The following COPS2 variants were observed in gnomAD, a reference collection of about 807,000 sequenced individuals.
COPS2 encodes COP9 signalosome subunit 2, also known as COP9 signalosome complex subunit 2.
A neutral mutation model predicts 66.1 loss-of-function variants in COPS2; 10 were observed. The ratio of observed to expected loss-of-function variants is 0.15; its 90% CI spans 0.09 to 0.26. The LOEUF is 0.26. Ranked by LOEUF, COPS2 falls within the 10% of genes least tolerant of loss-of-function variation. The pLI is 1.00. For synonymous variants in COPS2, 179 were observed against 171.3 expected, an observed-to-expected ratio of 1.04 and a Z score of -0.35; for missense variants, 215 against 513.3, an observed-to-expected ratio of 0.42 and a Z score of 5.62.
Position 49,137,241 on chromosome 15 carries a change from A to G in COPS2, c.463-14T>C. 6.3e-7 allele frequency: 1 copy of G among 1,577,620 alleles called. No homozygotes were observed. Among genetic ancestry groups the G allele is most frequent in the Non-Finnish European group, 8.6e-7 (1 of 1,161,248 alleles). ...TAATTTTCCAAGCTGCAAGAAAGCA[A>G]ATTTATTAAAATCAAGATTTCAACA... On this transcript the variant is annotated splice_polypyrimidine_tract_variant and intron_variant, in intron 5 of 12. Transcript: ENST00000388901.
intron 1 of COPS2, among the ~76,000 whole-genome samples, chr15:49,154,606 C>A (rs1056396159): frequency 6.6e-6 from 1 of 152,062 alleles, no homozygotes; most frequent in Non-Finnish European, 1.5e-5. Flanking sequence ...ATATGAAACA[C>A]CCCCAAAATA....
At chr15:49,130,901 C>T (rs2289390) in intron 9 of COPS2, 85 bp from the exon 10 acceptor site, 342,796 of 580,142 alleles carry the variant, frequency 0.59, 101,884 homozygotes, top group East Asian at 0.69. Context: ...TGCTTCTCAA[C>T]TTTCATATGC....
rs1467221893 is a variant in COPS2, at chr15:49,127,394, C to T, written c.*556G>A. ...ATTTTGCTGCTTGAAACCTAAGTGA[C>T]AGTATGCCACTATAATTATGGGGTT... On this transcript the variant is annotated 3_prime_UTR_variant, in exon 13 of 13. Transcript: ENST00000388901. The T allele has an allele frequency of 1.3e-5, 2 of 152,636 alleles. No homozygotes were observed. The highest frequency in any genetic ancestry group is 2.9e-5 in the Non-Finnish European group (2 of 68,030). The allele number at this position is 152,636 out of a possible 1,614,324, so 9.5% of individuals were successfully genotyped here.
intron 11 of COPS2, among the ~76,000 whole-genome samples, 190 bp downstream of exon 11, chr15:49,129,287 A>G (rs1050453156): frequency 6.6e-6 from 1 of 151,836 alleles, no homozygotes; most frequent in Admixed American, 6.6e-5. Flanking sequence ...CCTGGGCTAT[A>G]CAGCAAGACC....
intron 3 of COPS2, among the ~76,000 whole-genome samples, chr15:49,141,883 A>C (rs768006412): frequency 6.6e-6 from 1 of 152,224 alleles, no homozygotes; most frequent in South Asian, 2.1e-4. Flanking sequence ...TCTTAAGGGT[A>C]GCACAGTGTT....
intron 12 of COPS2, 91 bp from the exon 13 acceptor site, chr15:49,128,185 T>C (rs1410244397): frequency 7.8e-7 from 1 of 1,285,598 alleles, no homozygotes; most frequent in Middle Eastern, 2.1e-4. Context: ...TATCAACAAA[T>C]GCCAAAAAAA....
At chr15:49,149,178 G>C (rs954491045) in intron 1 of COPS2, among the ~76,000 whole-genome samples, 1 of 152,152 alleles carries the variant, frequency 6.6e-6, no homozygotes, top group Non-Finnish European at 1.5e-5. Flanking sequence ...ACCTACTCAT[G>C]TCCTGTTATT....
chr15:49,143,406 G>A (rs551579417), intron 3 of COPS2, among the ~76,000 whole-genome samples: 1 of 152,334 alleles, frequency 6.6e-6, no homozygotes. Context: ...GGGTAAGGAT[G>A]AAAGTAAGGA....
Position 49,137,257 on chromosome 15 carries a change from G to C in COPS2, c.463-30C>G. On this transcript the variant is annotated intron_variant, in intron 5 of 12. Coordinates refer to ENST00000388901, the MANE Select transcript of COPS2 (RefSeq NM_004236.4). Reference sequence around the variant, plus strand: ...AAGAAAGCAAATTTATTAAAATCAAGATTTCAACAGAAGATGTGCATCTTT... The same window carrying C: ...AAGAAAGCAAATTTATTAAAATCAACATTTCAACAGAAGATGTGCATCTTT... The C allele has an allele frequency of 1.3e-6, 2 of 1,556,894 alleles. 1 individual carries two copies. Among genetic ancestry groups the C allele is most frequent in the South Asian group, 2.3e-5 (2 of 85,324 alleles).
rs2084143533 is a variant in COPS2 at position 49,123,975 on chromosome 15, C to T, written c.*3975G>A. 6.6e-6 allele frequency: 1 copy of T among 152,210 alleles called. No homozygotes were observed. Among genetic ancestry groups the T allele is most frequent in the African/African-American group, 2.4e-5 (1 of 41,456 alleles). The allele number at this position is 152,210 out of a possible 1,614,324, so 9.4% of individuals were successfully genotyped here. A position where few individuals can be genotyped will look rare whatever the true frequency, so the allele number is the denominator to read the frequency against. On this transcript the variant is annotated 3_prime_UTR_variant, in exon 13 of 13. Transcript: ENST00000388901. ...ACAAATCCTCCAAATGGCATTTAAA[C>T]TCACATTTTAATGGCCCAAGAAGTT... is the stretch of plus-strand genomic sequence containing the variant.
Position 49,128,219 on chromosome 15 carries a change from G to A in COPS2, c.1188-125C>T, listed in dbSNP as rs1372842107. ...AAAAGCAGCTGCCTACATTAAATGA[G>A]TTCAGTGTTAGTTTTAACTTCACTG... On this transcript the variant is annotated intron_variant, in intron 12 of 12. Transcript: ENST00000388901. The A allele has an allele frequency of 3.7e-6, 3 of 809,908 alleles. No homozygotes were observed. In the African/African-American group the frequency reaches 5.2e-5, roughly 14 times the overall value. The allele number at this position is 809,908 out of a possible 1,614,324, so 50.2% of individuals were successfully genotyped here.
intron 3 of COPS2, 106 bp from the exon 4 acceptor site, chr15:49,139,759 TA>T: frequency 1.3e-6 from 1 of 784,616 alleles, no homozygotes; most frequent in Non-Finnish European, 2.0e-6. Flanking sequence ...ATGTAGTTCA[TA>T]TAGTTCCTGA....
At chr15:49,151,820 T>A (rs931227780) in intron 1 of COPS2, among the ~76,000 whole-genome samples, 4 of 151,436 alleles carry the variant, frequency 2.6e-5, no homozygotes, top group Middle Eastern at 3.2e-3. Flanking sequence ...TTTTTTTTTT[T>A]AAATAACAAG....
chr15:49,155,510 T>C lies in COPS2; in HGVS notation c.54+15A>G. 6.2e-7 allele frequency: 1 copy of C among 1,613,612 alleles called. No homozygotes were observed. Among genetic ancestry groups the C allele is most frequent in the East Asian group, 2.2e-5 (1 of 44,858 alleles). The stretch of plus-strand genomic sequence containing the variant: ...ACACATCACCACCCTCAGAGTTCCA[T>C]TCCCTGCGCCTCACCAGGTCGTAGT... On this transcript the variant is annotated intron_variant, in intron 1 of 12. Transcript: ENST00000388901.
rs183799205 is a variant in COPS2 at position 49,152,368 on chromosome 15, C to T, written c.54+3157G>A. On this transcript the variant is annotated intron_variant, in intron 1 of 12. Transcript: ENST00000388901. ...AAGTTTTAACTGTTAGTAAATTGAT[C>T]ATAAATAATTTTACAATTAGACACC... Among the ~76,000 whole-genome samples, 9 of 151,142 alleles carry T rather than the reference C, an allele frequency of 6.0e-5. No individual in the cohort carries two copies. The East Asian group carries it at 1.4e-3, about 23-fold the overall frequency.
In COPS2 at chr15:49,155,111, C is replaced by T. The variant is rs1190740850; in HGVS notation, c.54+414G>A. On this transcript the variant is annotated intron_variant, in intron 1 of 12. Coordinates refer to ENST00000388901, the MANE Select transcript of COPS2 (RefSeq NM_004236.4). Reference sequence around the variant, plus strand: ...TCTGACTTCTCCTAGCATTTCGCACCCGCTCAGTTCCAGTGTGAAGAAGTG... The same window carrying T: ...TCTGACTTCTCCTAGCATTTCGCACTCGCTCAGTTCCAGTGTGAAGAAGTG... Among the ~76,000 whole-genome samples, 3 of 152,254 alleles carry T rather than the reference C, an allele frequency of 2.0e-5. No individual in the cohort carries two copies. The East Asian group carries it at 5.8e-4, about 29-fold the overall frequency.
Position 49,127,853 on chromosome 15 carries a change from A to G in COPS2, c.*97T>C. 8.0e-7 allele frequency: 1 copy of G among 1,249,506 alleles called. No homozygotes were observed. Among genetic ancestry groups the G allele is most frequent in the Non-Finnish European group, 1.1e-6 (1 of 901,104 alleles). 77.4% of individuals were successfully genotyped at this position (1,249,506 alleles called of 1,614,324 possible). On this transcript the variant is annotated 3_prime_UTR_variant, in exon 13 of 13. Transcript: ENST00000388901. ...TGCCATAACTCCAATAATTTTCAGG[A>G]CACATCAACCGACAGTAGTTTTGCC...
chr15:49,144,165 G>T, intron 3 of COPS2, 62 bp downstream of exon 3: 2 of 1,011,486 alleles, frequency 2.0e-6, no homozygotes, highest in Non-Finnish European at 3.1e-6. Context: ...ATAGTACTTT[G>T]TCGTGATGAG....
chr15:49,140,909 A>G (rs1018791715), intron 3 of COPS2, among the ~76,000 whole-genome samples: 3 of 152,172 alleles, frequency 2.0e-5, no homozygotes, highest in Admixed American at 6.5e-5. Flanking sequence ...CAGCACAAAG[A>G]ACAAGAAAAC....
Sources: gnomAD v4.1 joint callset for allele counts (sites outside exome capture counted in the v4.1 genomes callset) on GRCh38, gnomAD v4.1.1 for gene constraint, MANE v1.5 for transcripts, NCBI Gene and HGNC (gene_info 2026-07-23, HGNC 2026-07-21) for gene names.